Variants in MYO18B observed in about 807,000 individuals in gnomAD.
MYO18B encodes myosin XVIIIB.
Under a neutral mutation model 273.0 loss-of-function variants are expected in MYO18B, and 204 were observed. The observed-to-expected ratio is 0.75, with a 90% CI of 0.67 to 0.84. MYO18B has a LOEUF of 0.84. Ranked by LOEUF, MYO18B falls within the 40% of genes least tolerant of loss-of-function variation. MYO18B has a pLI of 0.00. For synonymous variants in MYO18B, 1,330 were observed against 1,305.7 expected, an observed-to-expected ratio of 1.02 and a Z score of -0.40; for missense variants, 3,212 against 3,287.6, an observed-to-expected ratio of 0.98 and a Z score of 0.56.
chr22:25,788,141 T>C (rs2087481720), intron 11 of MYO18B, among the ~76,000 whole-genome samples: 1 of 152,248 alleles, frequency 6.6e-6, no homozygotes, highest in Non-Finnish European at 1.5e-5. Context: ...TTGCAGGAAC[T>C]GGTAGGGTGT....
At chr22:25,760,434 A>AAAAAAC (rs59165419) in intron 1 of MYO18B, among the ~76,000 whole-genome samples, 6,039 of 110,882 alleles carry the variant, frequency 0.054, 573 homozygotes, top group East Asian at 0.23. Context: ...AAAAAAAAAA[A>AAAAAAC]CACAAAAACA....
the MYO18B span, among the ~76,000 whole-genome samples, chr22:26,053,563 A>G: frequency 6.6e-6 from 1 of 152,190 alleles, no homozygotes; most frequent in African/African-American, 2.4e-5. Context: ...CCTCAAATAT[A>G]TGTTTGAGCC....
At chr22:25,987,448 A>G (rs1365334540) in intron 39 of MYO18B, among the ~76,000 whole-genome samples, 2 of 152,172 alleles carry the variant, frequency 1.3e-5, no homozygotes, top group African/African-American at 4.8e-5. Context: ...ATATTATTGT[A>G]CTGATCTCTG....
At chr22:25,946,535 A>T (rs1286113046) in intron 35 of MYO18B, among the ~76,000 whole-genome samples, 1 of 152,176 alleles carries the variant, frequency 6.6e-6, no homozygotes, top group Non-Finnish European at 1.5e-5. Flanking sequence ...GGCATCAGCG[A>T]GGCTCAACTG....
intron 5 of MYO18B, 101 bp downstream of exon 5, chr22:25,770,277 C>T (rs1167285076): frequency 2.5e-6 from 3 of 1,211,132 alleles, no homozygotes; most frequent in Non-Finnish European, 3.6e-6. Flanking sequence ...CTTTGGTGGT[C>T]AGGAGGGAAG....
chr22:25,820,530 A>C (rs1159637983), intron 12 of MYO18B, among the ~76,000 whole-genome samples: 1 of 145,630 alleles, frequency 6.9e-6, no homozygotes, highest in East Asian at 1.9e-4. Context: ...TGAAAGAGAG[A>C]ACTTTTTTTA....
In MYO18B at chr22:26,027,154, G is replaced by C; in HGVS notation, c.7180G>C (p.Ala2394Pro). 1 of 1,614,000 alleles carries C rather than the reference G, an allele frequency of 6.2e-7. No homozygotes were observed. The highest frequency in any genetic ancestry group is 1.1e-5 in the South Asian group (1 of 91,082). The change falls in exon 43 of 44, where the codon GCG (alanine) becomes CCG (proline). Residue 2394 changes from alanine to proline, a missense_variant. By Grantham distance (27) the Ala-to-Pro change is conservative. Transcript: ENST00000335473. This position sits in a 1 kb window ranked among gnomAD's most constrained non-coding sequence, Gnocchi z 4.1. ...GTGTCTGGAGTCCTCTGTGGACGAT[G>C]CGGGCTGTCCAGACCTTGGAAAGGA... ...RRCLESSVDD[A>P]GCPDLGKEPL... is the part of the protein sequence containing the mutation.
At chr22:25,959,341 T>C (rs1161258840) in intron 39 of MYO18B, 2 of 148,306 alleles carry the variant, frequency 1.3e-5, no homozygotes, top group Non-Finnish European at 3.0e-5. Context: ...GGCACAGTCA[T>C]AGCTCATTGC....
intron 27 of MYO18B, 86 bp from the exon 28 acceptor site, chr22:25,895,069 AG>A (rs1329634963): frequency 1.4e-6 from 2 of 1,481,114 alleles, no homozygotes; most frequent in Admixed American, 2.0e-5. Flanking sequence ...GCATGCCAAG[AG>A]CCAAGAAAGT....
chr22:26,023,740 G>C (rs181505279), intron 42 of MYO18B, among the ~76,000 whole-genome samples: 29 of 152,306 alleles, frequency 1.9e-4, no homozygotes, highest in African/African-American at 6.5e-4. Flanking sequence ...TTCAGGGCCA[G>C]GACAGGATGG....
At chr22:25,942,439 G>C (rs80188251) in intron 34 of MYO18B, among the ~76,000 whole-genome samples, 1,554 of 152,340 alleles carry the variant, frequency 0.01, 27 homozygotes, top group African/African-American at 0.035. Flanking sequence ...CCACTGAGCT[G>C]TTTTCTCTGC....
intron 7 of MYO18B, among the ~76,000 whole-genome samples, chr22:25,773,068 G>C (rs934832650): frequency 2.0e-5 from 3 of 152,182 alleles, no homozygotes; most frequent in African/African-American, 7.2e-5. Flanking sequence ...TTCCTCGGAA[G>C]TGTAGAAACG....
Position 25,742,261 on chromosome 22 carries a change from T to C in MYO18B, c.-142T>C, listed in dbSNP as rs2085647962. 1 of 152,266 alleles carries C rather than the reference T, an allele frequency of 6.6e-6. No individual in the cohort carries two copies. Among genetic ancestry groups the C allele is most frequent in the African/African-American group, 2.4e-5 (1 of 41,432 alleles). The allele number at this position is 152,266 out of a possible 1,614,324, so 9.4% of individuals were successfully genotyped here. On this transcript the variant is annotated 5_prime_UTR_variant, in exon 1 of 44. Coordinates refer to ENST00000335473, the MANE Select transcript of MYO18B (RefSeq NM_032608.7). ...CCCGGGGAGACGTCTTAGACAGTCGTGGTTCCTGTGATCTGTGTCCTCTTT... is the reference window on the plus strand; with the variant it reads ...CCCGGGGAGACGTCTTAGACAGTCGCGGTTCCTGTGATCTGTGTCCTCTTT...
chr22:25,839,841 G>A (rs983402517), intron 17 of MYO18B, among the ~76,000 whole-genome samples: 1 of 152,202 alleles, frequency 6.6e-6, no homozygotes, highest in Non-Finnish European at 1.5e-5. Context: ...TCTGCTCACC[G>A]CTCAACTGCA....
chr22:25,984,537 C>T (rs556398179), intron 39 of MYO18B, among the ~76,000 whole-genome samples: 104 of 152,032 alleles, frequency 6.8e-4, no homozygotes, highest in Non-Finnish European at 1.3e-3. Context: ...TGCCTGTAAT[C>T]CCAGAGCTTT....
At chr22:25,854,980 C>T (rs1055758821) in intron 21 of MYO18B, among the ~76,000 whole-genome samples, 1 of 152,138 alleles carries the variant, frequency 6.6e-6, no homozygotes, top group Non-Finnish European at 1.5e-5. Flanking sequence ...GGTACACATG[C>T]AGGTTTGTTG....
intron 28 of MYO18B, chr22:25,897,165 T>C (rs1308622101): frequency 6.6e-6 from 1 of 152,248 alleles, no homozygotes; most frequent in Non-Finnish European, 1.5e-5. Context: ...TTCCAAAACA[T>C]AGGCCTCATC....
At chr22:25,863,577 A>G (rs1426134249) in intron 21 of MYO18B, among the ~76,000 whole-genome samples, 1 of 152,194 alleles carries the variant, frequency 6.6e-6, no homozygotes, top group Non-Finnish European at 1.5e-5. Context: ...TTTATTTTAA[A>G]TCTGACTTCC....
the MYO18B span, among the ~76,000 whole-genome samples, chr22:26,043,635 C>T: frequency 2.6e-5 from 4 of 151,440 alleles, no homozygotes; most frequent in Non-Finnish European, 4.4e-5. Flanking sequence ...CTCAGCCTCC[C>T]GAGTAGCTGG....
Sources: allele counts gnomAD v4.1 joint callset (sites outside exome capture counted in the v4.1 genomes callset), GRCh38; gene constraint gnomAD v4.1.1; non-coding constraint Gnocchi (gnomAD v3.1); transcripts MANE v1.5; gene names NCBI Gene and HGNC (gene_info 2026-07-23, HGNC 2026-07-21).